Variants in RALYL observed in about 807,000 individuals in gnomAD.
The protein encoded by RALYL is RNA-binding Raly-like protein.
In RALYL, 29 loss-of-function variants were observed where a neutral mutation model predicts 35.1. The ratio of observed to expected loss-of-function variants is 0.83; its 90% confidence interval spans 0.61 to 1.13. RALYL has a LOEUF of 1.13. Among genes scored for constraint, RALYL ranks in the 50% most tolerant of loss-of-function variants. The probability of loss-of-function intolerance (pLI) is 0.00; values close to 1 mark genes in which losing one functional copy is unlikely to be tolerated. For missense variants in RALYL, 359 were observed against 360.4 expected (o/e 1.00, Z 0.03); for synonymous variants, 120 against 127.6 (o/e 0.94, Z 0.40).
intron 2 of RALYL, among the ~76,000 whole-genome samples, chr8:84,653,853 T>TA (rs1829359443): frequency 6.6e-6 from 1 of 151,822 alleles, no homozygotes; most frequent in South Asian, 2.1e-4. Flanking sequence ...TTAACTTTTT[T>TA]ATCTTAATAT....
intron 1 of RALYL, among the ~76,000 whole-genome samples, chr8:84,197,701 G>A (rs550391539): frequency 9.2e-5 from 14 of 151,812 alleles, no homozygotes; most frequent in Admixed American, 6.6e-5. Context: ...GGCAAGAGGC[G>A]GGAGGATAGC....
At chr8:84,547,084 C>A (rs1359897278) in intron 2 of RALYL, among the ~76,000 whole-genome samples, 3 of 152,092 alleles carry the variant, frequency 2.0e-5, no homozygotes, top group Admixed American at 6.6e-5. Flanking sequence ...TTAAGCCCTG[C>A]ATGCATTAGG....
At chr8:84,316,441 A>C (rs1843766828) in intron 1 of RALYL, among the ~76,000 whole-genome samples, 1 of 152,136 alleles carries the variant, frequency 6.6e-6, no homozygotes, top group African/African-American at 2.4e-5. Context: ...TACTTACATT[A>C]GAATGTTTTA....
At chr8:84,678,134 A>AT (rs1172953295) in intron 2 of RALYL, among the ~76,000 whole-genome samples, 1 of 152,086 alleles carries the variant, frequency 6.6e-6, no homozygotes, top group Non-Finnish European at 1.5e-5. Context: ...TTCACCCTTT[A>AT]TTTTTTAACA....
intron 2 of RALYL, among the ~76,000 whole-genome samples, chr8:84,593,390 C>T (rs1257194714): frequency 6.6e-6 from 1 of 151,954 alleles, no homozygotes; most frequent in Non-Finnish European, 1.5e-5. Context: ...AATTTAGAGT[C>T]CTGAATAAAA....
intron 1 of RALYL, among the ~76,000 whole-genome samples, chr8:84,190,965 T>G (rs563804574): frequency 2.0e-4 from 30 of 150,760 alleles, no homozygotes; most frequent in African/African-American, 6.8e-4. Flanking sequence ...GTATGTGGGG[T>G]GTGTGTGTGT....
At chr8:84,376,474 A>G (rs542926868) in intron 1 of RALYL, among the ~76,000 whole-genome samples, 1 of 151,876 alleles carries the variant, frequency 6.6e-6, no homozygotes, top group South Asian at 2.1e-4. Context: ...AGCAGAGGCA[A>G]TTACTAGCAC....
At chr8:84,373,134 A>G (rs1191384255) in intron 1 of RALYL, among the ~76,000 whole-genome samples, 1 of 151,252 alleles carries the variant, frequency 6.6e-6, no homozygotes, top group Non-Finnish European at 1.5e-5. Flanking sequence ...GATGATGGAT[A>G]TTAGACCTTT....
At chr8:84,502,195 G>A (rs2056744914) in intron 1 of RALYL, among the ~76,000 whole-genome samples, 1 of 151,904 alleles carries the variant, frequency 6.6e-6, no homozygotes, top group Non-Finnish European at 1.5e-5. Context: ...ATGTGTACAT[G>A]ACAATTAGCA....
chr8:84,576,268 CA>C (rs950435630), intron 2 of RALYL, among the ~76,000 whole-genome samples: 3 of 151,684 alleles, frequency 2.0e-5, no homozygotes, highest in African/African-American at 4.8e-5. Flanking sequence ...TGAATATAAA[CA>C]AAAAAAGCAC....
intron 2 of RALYL, among the ~76,000 whole-genome samples, chr8:84,532,382 TG>T (rs566701630): frequency 4.5e-4 from 69 of 152,192 alleles, no homozygotes; most frequent in Non-Finnish European, 8.8e-4. Context: ...ATTATACCTT[TG>T]TTTTTGATGA....
intron 1 of RALYL, among the ~76,000 whole-genome samples, chr8:84,374,390 T>G (rs1394408188): frequency 2.0e-5 from 3 of 151,990 alleles, no homozygotes; most frequent in Non-Finnish European, 2.9e-5. Context: ...CATCAATAAC[T>G]ATTTTACTGA....
chr8:84,222,331 A>G (rs1822437447), intron 1 of RALYL, among the ~76,000 whole-genome samples: 2 of 152,288 alleles, frequency 1.3e-5, no homozygotes, highest in Admixed American at 1.3e-4. Context: ...TGTTACATCT[A>G]TGCTGTGTTA....
intron 2 of RALYL, among the ~76,000 whole-genome samples, chr8:84,709,803 G>A (rs1434420116): frequency 6.6e-6 from 1 of 152,110 alleles, no homozygotes; most frequent in Non-Finnish European, 1.5e-5. Flanking sequence ...TCTCATGCCT[G>A]TAATCCCAGC....
chr8:84,841,221 C>G (rs1386414839), intron 4 of RALYL, among the ~76,000 whole-genome samples: 1 of 152,086 alleles, frequency 6.6e-6, no homozygotes, highest in Non-Finnish European at 1.5e-5. Context: ...TTCAGGAAAC[C>G]CATCTCACAT....
At chr8:84,242,008 C>A (rs1401851664) in intron 1 of RALYL, among the ~76,000 whole-genome samples, 1 of 152,078 alleles carries the variant, frequency 6.6e-6, no homozygotes, top group Non-Finnish European at 1.5e-5. Context: ...TTCCTCCCTC[C>A]CACACCCCCA....
At chr8:84,733,339 A>C (rs1846594764) in intron 2 of RALYL, among the ~76,000 whole-genome samples, 1 of 152,074 alleles carries the variant, frequency 6.6e-6, no homozygotes, top group Admixed American at 6.6e-5. Context: ...ACCATCTCCA[A>C]AATTTCCTTA....
At chr8:84,895,664 C>G (rs1844632470) in intron 8 of RALYL, among the ~76,000 whole-genome samples, 1 of 152,104 alleles carries the variant, frequency 6.6e-6, no homozygotes, top group East Asian at 1.9e-4. Context: ...AGGCACCCAC[C>G]ACCACGCCTG....
intron 1 of RALYL, among the ~76,000 whole-genome samples, chr8:84,523,392 TC>T (rs552855935): frequency 1.4e-3 from 215 of 152,216 alleles, no homozygotes; most frequent in African/African-American, 4.8e-3. Context: ...TCCCACTGGG[TC>T]CCTCCCATAA....
Sources: gnomAD v4.1 joint callset for allele counts (sites outside exome capture counted in the v4.1 genomes callset) on GRCh38, gnomAD v4.1.1 for gene constraint, MANE v1.5 for transcripts, NCBI Gene and HGNC (gene_info 2026-07-23, HGNC 2026-07-21) for gene names.